SOX6: variants seen among roughly 807,000 people sequenced by gnomAD.
SOX6 encodes the protein transcription factor SOX-6.
Under a neutral mutation model 97.8 loss-of-function variants are expected in SOX6, and 11 were observed. That is an observed-to-expected ratio of 0.11 (90% CI 0.07 to 0.19). SOX6 has a LOEUF of 0.19. SOX6 is among the 10% of genes least tolerant of loss of function. The pLI, the probability that SOX6 is intolerant of heterozygous loss-of-function variation, is 1.00. For synonymous variants in SOX6, 360 were observed against 371.4 expected, an observed-to-expected ratio of 0.97 and a Z score of 0.35; for missense variants, 810 against 1,039.5, an observed-to-expected ratio of 0.78 and a Z score of 3.04.
chr11:16,253,946 A>G (rs1457507116), intron 3 of SOX6, among the ~76,000 whole-genome samples: 3 of 152,130 alleles, frequency 2.0e-5, no homozygotes, highest in African/African-American at 7.2e-5. Context: ...AAAATAAAAA[A>G]TAAAAGAAAA....
chr11:16,234,441 C>T, intron 4 of SOX6, 141 bp downstream of exon 4: 1 of 547,456 alleles, frequency 1.8e-6, no homozygotes, highest in Non-Finnish European at 3.2e-6. Flanking sequence ...GCTCAGAAAC[C>T]TATAATATTC....
intron 9 of SOX6, among the ~76,000 whole-genome samples, chr11:16,063,795 A>T (rs1285456368): frequency 6.6e-6 from 1 of 150,712 alleles, no homozygotes; most frequent in Non-Finnish European, 1.5e-5. Context: ...AATCTTCACA[A>T]TTATTATATA....
intron 3 of SOX6, among the ~76,000 whole-genome samples, chr11:16,707,786 G>A (rs1848148625): frequency 6.6e-6 from 1 of 152,114 alleles, no homozygotes; most frequent in African/African-American, 2.4e-5. Context: ...AAGCCACACA[G>A]AATTACTTTC....
intron 3 of SOX6, among the ~76,000 whole-genome samples, chr11:16,684,086 A>T (rs564015043): frequency 2.0e-5 from 3 of 152,364 alleles, no homozygotes; most frequent in East Asian, 1.9e-4. Flanking sequence ...GTCAGGAAAC[A>T]ACAAATGCTG....
At chr11:16,628,412 T>A (rs1396175302) in intron 3 of SOX6, among the ~76,000 whole-genome samples, 1 of 151,918 alleles carries the variant, frequency 6.6e-6, no homozygotes, top group East Asian at 1.9e-4. Context: ...TCACTTGAGG[T>A]CAGGAGGTGG....
At chr11:16,332,382 T>C (rs894274909) in intron 2 of SOX6, among the ~76,000 whole-genome samples, 3 of 152,172 alleles carry the variant, frequency 2.0e-5, no homozygotes, top group African/African-American at 7.2e-5. Context: ...GAATTTCTTC[T>C]ATTATACCAC....
chr11:16,251,699 A>G (rs1261321816), intron 3 of SOX6, among the ~76,000 whole-genome samples: 2 of 152,194 alleles, frequency 1.3e-5, no homozygotes, highest in Non-Finnish European at 2.9e-5. Context: ...AACTTGGGAA[A>G]CACTATCCAA....
At chr11:16,716,962 A>G (rs1170455210) in intron 2 of SOX6, among the ~76,000 whole-genome samples, 1 of 152,138 alleles carries the variant, frequency 6.6e-6, no homozygotes, top group East Asian at 1.9e-4. Flanking sequence ...TTCTTGACCC[A>G]GGTAGTGGTT....
intron 1 of SOX6, among the ~76,000 whole-genome samples, chr11:16,347,202 A>C (rs537243384): frequency 6.6e-6 from 1 of 152,036 alleles, no homozygotes; most frequent in Non-Finnish European, 1.5e-5. Flanking sequence ...GCCTATGGAA[A>C]ACCTATAATT....
Position 16,720,306 on chromosome 11 carries a change from A to G in SOX6, n.354-5401T>C, listed in dbSNP as rs373248447. ...TTGGAACCAACCCAAATGTCCAACAATGATAGACTGGATTAAGAAAATGTG... is the reference window on the plus strand; with the variant it reads ...TTGGAACCAACCCAAATGTCCAACAGTGATAGACTGGATTAAGAAAATGTG... On this transcript the variant is annotated intron_variant and non_coding_transcript_variant, in intron 2 of 5. Transcript: ENST00000524520. Among the ~76,000 whole-genome samples the G allele has an allele frequency of 6.5e-3, 940 of 143,742 alleles. 10 individuals carry two copies. Among genetic ancestry groups the G allele is most frequent in the African/African-American group, 0.022 (842 of 38,294 alleles). 94.3% of individuals were successfully genotyped at this position (143,742 alleles called of 152,430 possible). A position where few individuals can be genotyped will look rare whatever the true frequency, so the allele number is the denominator to read the frequency against.
At chr11:16,329,789 G>T (rs182342288) in intron 2 of SOX6, among the ~76,000 whole-genome samples, 1 of 152,124 alleles carries the variant, frequency 6.6e-6, no homozygotes. Context: ...CTCCCTAAAC[G>T]CTTTCACTAA....
At chr11:16,493,730 C>T (rs1396172871) in intron 4 of SOX6, among the ~76,000 whole-genome samples, 1 of 152,070 alleles carries the variant, frequency 6.6e-6, no homozygotes, top group Non-Finnish European at 1.5e-5. Flanking sequence ...GATAAAAATA[C>T]AAACTAAAAC....
intron 2 of SOX6, among the ~76,000 whole-genome samples, chr11:16,325,538 A>C (rs1248494559): frequency 1.3e-5 from 2 of 152,172 alleles, no homozygotes; most frequent in African/African-American, 2.4e-5. Flanking sequence ...TAGTAATTTA[A>C]AAGAATAGAT....
At chr11:16,417,273 T>C (rs1858943379) in intron 1 of SOX6, among the ~76,000 whole-genome samples, 1 of 152,150 alleles carries the variant, frequency 6.6e-6, no homozygotes, top group Non-Finnish European at 1.5e-5. Flanking sequence ...TCCATACCCC[T>C]GGCCCATCCT....
chr11:16,459,442 T>C (rs1039752613), intron 1 of SOX6, among the ~76,000 whole-genome samples: 3 of 151,960 alleles, frequency 2.0e-5, no homozygotes, highest in African/African-American at 4.8e-5. Flanking sequence ...TTACCAGCCA[T>C]ACCAAGAAGC....
At chr11:16,234,383 C>A (rs1356385246) in intron 4 of SOX6, among the ~76,000 whole-genome samples, 199 bp downstream of exon 4, 1 of 151,964 alleles carries the variant, frequency 6.6e-6, no homozygotes, top group Non-Finnish European at 1.5e-5. Flanking sequence ...TAGACTAATA[C>A]AAAAAGTGGG....
chr11:16,442,394 G>T (rs1489655558), intron 1 of SOX6, among the ~76,000 whole-genome samples: 1 of 152,020 alleles, frequency 6.6e-6, no homozygotes, highest in African/African-American at 2.4e-5. Flanking sequence ...CCTGCCTCTG[G>T]AATAAAGCCT....
intron 15 of SOX6, among the ~76,000 whole-genome samples, chr11:15,979,122 CT>C (rs1853590431): frequency 6.9e-6 from 1 of 144,916 alleles, no homozygotes; most frequent in African/African-American, 2.6e-5. Flanking sequence ...AGGTGCAGAA[CT>C]TAAAGTCCTG....
At chr11:16,231,010 C>A (rs1480271134) in intron 4 of SOX6, among the ~76,000 whole-genome samples, 1 of 151,574 alleles carries the variant, frequency 6.6e-6, no homozygotes, top group Non-Finnish European at 1.5e-5. Context: ...AGTTATATTT[C>A]TAGTTGACAT....
Sources: gnomAD v4.1 joint callset for allele counts (sites outside exome capture counted in the v4.1 genomes callset) on GRCh38, gnomAD v4.1.1 for gene constraint, MANE v1.5 for transcripts, NCBI Gene and HGNC (gene_info 2026-07-23, HGNC 2026-07-21) for gene names.